LRRC4C: variants seen among roughly 807,000 people sequenced by gnomAD.
LRRC4C encodes leucine-rich repeat-containing protein 4C.
LRRC4C carries 5 observed loss-of-function variants against 33.6 expected under a neutral mutation model. The ratio of observed to expected loss-of-function variants is 0.15; its 90% CI spans 0.08 to 0.31. The LOEUF (loss-of-function observed/expected upper bound fraction) is 0.31. Ranked by LOEUF, LRRC4C falls within the 10% of genes least tolerant of loss-of-function variation. LRRC4C has a pLI of 1.00. For missense variants in LRRC4C, 560 were observed against 796.7 expected, an observed-to-expected ratio of 0.70 and a Z score of 3.58; for synonymous variants, 329 against 302.0, an observed-to-expected ratio of 1.09 and a Z score of -0.93.
At position 41,022,344 on chromosome 11, in the gene LRRC4C, GA is replaced by G. The variant is rs59853282; in HGVS notation, c.-495-88622del. ...CTTTAGAATAAAAAAAAGAAGAAAAGAAAACTGAACCTTTAATCTGAGGAAA... is the reference window on the plus strand; with the variant it reads ...CTTTAGAATAAAAAAAAGAAGAAAAGAAACTGAACCTTTAATCTGAGGAAA... On this transcript the variant is annotated intron_variant, in intron 1 of 6. Transcript: ENST00000528697. 2.4e-3 allele frequency among the ~76,000 whole-genome samples: 360 copies of G among 151,750 alleles called. 2 individuals carry two copies. The highest frequency in any genetic ancestry group is 8.3e-3 in the African/African-American group (344 of 41,412).
intron 2 of LRRC4C, among the ~76,000 whole-genome samples, chr11:40,687,345 T>G (rs1945010081): frequency 6.6e-6 from 1 of 152,006 alleles, no homozygotes; most frequent in Admixed American, 6.6e-5. Flanking sequence ...CATTTCTACA[T>G]TTATTCAGTG....
At chr11:40,984,263 G>A (rs1232241936) in intron 1 of LRRC4C, among the ~76,000 whole-genome samples, 2 of 136,778 alleles carry the variant, frequency 1.5e-5, no homozygotes, top group Non-Finnish European at 3.1e-5. Context: ...AAGACAAGAA[G>A]GAAAGAAAGA....
chr11:40,149,314 A>T (rs1857998717), intron 5 of LRRC4C, among the ~76,000 whole-genome samples: 1 of 152,192 alleles, frequency 6.6e-6, no homozygotes, highest in African/African-American at 2.4e-5. Flanking sequence ...CTTCCTGTTC[A>T]TGAGCATGGG....
At chr11:41,304,166 G>GT (rs1950388395) in intron 1 of LRRC4C, among the ~76,000 whole-genome samples, 2 of 103,434 alleles carry the variant, frequency 1.9e-5, no homozygotes, top group Non-Finnish European at 4.6e-5. Flanking sequence ...CGTCCGGGAG[G>GT]GAGGTGGGGG....
At chr11:40,511,337 A>T (rs565637881) in intron 3 of LRRC4C, among the ~76,000 whole-genome samples, 272 of 152,302 alleles carry the variant, frequency 1.8e-3, no homozygotes, top group African/African-American at 6.0e-3. Context: ...AATATAGGGT[A>T]CATTTTATGA....
At chr11:41,199,041 T>G (rs1946298367) in intron 1 of LRRC4C, among the ~76,000 whole-genome samples, 1 of 152,132 alleles carries the variant, frequency 6.6e-6, no homozygotes. Context: ...TTAATAACTA[T>G]GGATTTTATG....
intron 3 of LRRC4C, among the ~76,000 whole-genome samples, chr11:40,375,453 C>T (rs558689240): frequency 6.6e-6 from 1 of 152,188 alleles, no homozygotes; most frequent in African/African-American, 2.4e-5. Flanking sequence ...AATACAGACA[C>T]AAAATGAGCT....
chr11:40,225,148 T>C (rs775249801), intron 5 of LRRC4C, among the ~76,000 whole-genome samples: 23 of 152,164 alleles, frequency 1.5e-4, no homozygotes, highest in Non-Finnish European at 3.1e-4. Context: ...ATAGCCTAAA[T>C]TGAATATTCC....
At chr11:40,404,749 C>T (rs558521785) in intron 3 of LRRC4C, among the ~76,000 whole-genome samples, 42 of 152,064 alleles carry the variant, frequency 2.8e-4, no homozygotes, top group African/African-American at 9.9e-4. Context: ...AGAGCAGCCT[C>T]CCATTATCCT....
chr11:41,380,417 A>T (rs1481816171), intron 1 of LRRC4C, among the ~76,000 whole-genome samples: 1 of 152,168 alleles, frequency 6.6e-6, no homozygotes, highest in Non-Finnish European at 1.5e-5. Context: ...TGAAATGTAG[A>T]TAGAAACTTT....
intron 4 of LRRC4C, among the ~76,000 whole-genome samples, chr11:40,268,694 C>T (rs950404996): frequency 6.6e-6 from 1 of 152,034 alleles, no homozygotes; most frequent in Non-Finnish European, 1.5e-5. Flanking sequence ...AAAAATATGG[C>T]TTTTAACACA....
chr11:41,305,494 G>C (rs1198570320), intron 1 of LRRC4C, among the ~76,000 whole-genome samples: 1 of 48,202 alleles, frequency 2.1e-5, no homozygotes, highest in Non-Finnish European at 5.6e-5. Context: ...TTGAGAAATC[G>C]GATGGTTGCC....
At chr11:40,676,620 A>T (rs1397266105) in intron 2 of LRRC4C, among the ~76,000 whole-genome samples, 1 of 152,168 alleles carries the variant, frequency 6.6e-6, no homozygotes, top group Non-Finnish European at 1.5e-5. Flanking sequence ...GCTCCATGAC[A>T]ATTTGTCAGC....
At chr11:40,553,937 C>A (rs1468547951) in intron 3 of LRRC4C, among the ~76,000 whole-genome samples, 1 of 152,058 alleles carries the variant, frequency 6.6e-6, no homozygotes, top group African/African-American at 2.4e-5. Flanking sequence ...TGTGCAGAAG[C>A]TCTTTAGTTT....
At chr11:40,254,059 C>T (rs1312974331) in intron 4 of LRRC4C, among the ~76,000 whole-genome samples, 1 of 152,140 alleles carries the variant, frequency 6.6e-6, no homozygotes, top group Non-Finnish European at 1.5e-5. Flanking sequence ...ATTATCTGGT[C>T]AGCAAGCTGA....
rs138978177 is a variant in LRRC4C, at chr11:40,410,067, G to T, written c.-269-90346C>A. ...AACACAGCCACTTGCACTTGTTTAC[G>T]TATAGCCTATGGTTGTATCACACTA... On this transcript the variant is annotated intron_variant, in intron 3 of 6. Transcript: ENST00000528697. 2.0e-5 allele frequency among the ~76,000 whole-genome samples: 3 copies of T among 152,042 alleles called. No individual in the cohort carries two copies. The South Asian group carries it at 6.2e-4, about 31-fold the overall frequency.
intron 1 of LRRC4C, among the ~76,000 whole-genome samples, chr11:41,435,390 C>T (rs935275033): frequency 1.3e-5 from 2 of 152,138 alleles, no homozygotes; most frequent in African/African-American, 4.8e-5. Context: ...TGTGCTTTGA[C>T]AAAAATTATT....
chr11:40,760,639 C>A (rs1290223694), intron 2 of LRRC4C, among the ~76,000 whole-genome samples: 1 of 150,654 alleles, frequency 6.6e-6, no homozygotes, highest in African/African-American at 2.4e-5. Flanking sequence ...GAGATGGGGT[C>A]TCACTCTGTC....
chr11:40,438,944 T>TG (rs1193347121), intron 3 of LRRC4C, among the ~76,000 whole-genome samples: 4 of 146,848 alleles, frequency 2.7e-5, no homozygotes, highest in African/African-American at 1.0e-4. Context: ...TTTTTTTTTT[T>TG]TTTTGAGACA....
Sources: allele counts gnomAD v4.1 joint callset (sites outside exome capture counted in the v4.1 genomes callset), GRCh38; gene constraint gnomAD v4.1.1; transcripts MANE v1.5; gene names NCBI Gene and HGNC (gene_info 2026-07-23, HGNC 2026-07-21).